The following MBD6 variants were observed in gnomAD, a reference collection of about 807,000 sequenced individuals.
MBD6 encodes the protein methyl-CpG binding domain protein 6.
MBD6 carries 22 observed loss-of-function variants against 66.8 expected under a neutral mutation model. The observed-to-expected ratio is 0.33, with a 90% CI of 0.24 to 0.47. MBD6 has a LOEUF of 0.47. MBD6 is among the 20% of genes least tolerant of loss of function. MBD6 has a pLI of 1.00. For synonymous variants in MBD6, 540 were observed against 534.6 expected (o/e 1.01, Z -0.14); for missense variants, 1,322 against 1,286.9 (o/e 1.03, Z -0.42).
chr12:57,529,423 C>A lies in MBD6; in HGVS notation c.*189C>A. On this transcript the variant is annotated 3_prime_UTR_variant, in exon 13 of 13. Transcript: ENST00000355673. ...TGCAGGGGGCAGGGAAGTTCACCCC[C>A]CCCCACCACCCCCCCGCCCCCCCGA... 1 of 536,528 alleles carries A rather than the reference C, an allele frequency of 1.9e-6. No homozygotes were observed. Among genetic ancestry groups the A allele is most frequent in the Non-Finnish European group, 3.3e-6 (1 of 304,254 alleles). 33.2% of individuals were successfully genotyped at this position (536,528 alleles called of 1,614,324 possible).
Position 57,526,372 on chromosome 12 carries a change from C to A in MBD6, c.1404C>A (p.Ser468Arg). The A allele has an allele frequency of 6.3e-7, 1 of 1,595,006 alleles. No individual in the cohort carries two copies. Among genetic ancestry groups the A allele is most frequent in the South Asian group, 1.1e-5 (1 of 87,900 alleles). Reference sequence around the variant, plus strand: ...CCCTGCCTGGGACCACCAGTGGCAGCCTCAGCAGTGTGCCAGGTATGTGAG... The same window carrying A: ...CCCTGCCTGGGACCACCAGTGGCAGACTCAGCAGTGTGCCAGGTATGTGAG... ...QPSLPGTTSGSLSSVPGAPAP... is the reference protein window; with the variant it reads ...QPSLPGTTSGRLSSVPGAPAP... Residue 468 changes from serine to arginine, a missense_variant, in exon 6 of 13, where the codon AGC (serine) becomes AGA (arginine). By Grantham distance (110) the Ser-to-Arg change is moderately radical. Coordinates refer to ENST00000355673, the MANE Select transcript of MBD6 (RefSeq NM_052897.4).
At position 57,526,864 on chromosome 12, in the gene MBD6, T is replaced by G. The variant is rs747564903; in HGVS notation, c.1719T>G (p.Pro573=). 1 of 1,610,082 alleles carries G rather than the reference T, an allele frequency of 6.2e-7. No homozygotes were observed. Among genetic ancestry groups the G allele is most frequent in the South Asian group, 1.1e-5 (1 of 90,902 alleles). Residue 573 remains proline, a synonymous_variant, in exon 7 of 13, where the codon CCT becomes CCG. Coordinates refer to ENST00000355673, the MANE Select transcript of MBD6 (RefSeq NM_052897.4). ...CTGGGGGAGGAGGACAACCTCCCCC[T>G]GAGCCCCTGCTACCCCCACCAGGAG... is the stretch of plus-strand genomic sequence containing the variant. The part of the protein sequence containing the change: ...VLTGGGGQPP[P]EPLLPPPGGP...
chr12:57,527,312 C>T, intron 7 of MBD6, 85 bp downstream of exon 7: 1 of 1,131,276 alleles, frequency 8.8e-7, no homozygotes, highest in Non-Finnish European at 1.2e-6. Context: ...CAGTTTCATT[C>T]CTGAGCTCTT....
In MBD6 at chr12:57,525,622, T is replaced by G. The variant is rs774428798; in HGVS notation, c.654T>G (p.Pro218=). The G allele has an allele frequency of 6.2e-7, 1 of 1,613,272 alleles. No individual in the cohort carries two copies. The highest frequency in any genetic ancestry group is 8.5e-7 in the Non-Finnish European group (1 of 1,179,704). The part of the protein sequence containing the change: ...NAPSPAPPPP[P]AISLNAPSYN... ...CCTCTCCAGCCCCACCTCCTCCACC[T>G]GCTATCAGCCTCAATGCTCCCTCAT... The change falls in exon 6 of 13, where the codon CCT becomes CCG. Residue 218 remains proline (P), a synonymous_variant. Transcript: ENST00000355673.
Position 57,528,697 on chromosome 12 carries a change from G to C in MBD6, c.2852G>C (p.Arg951Pro). Residue 951 changes from arginine to proline, a missense_variant, in exon 11 of 13, where the codon CGT (arginine) becomes CCT (proline). Transcript: ENST00000355673. The stretch of plus-strand genomic sequence containing the variant: ...CCGGGAGTAGTCAGAAAGTCTCGTC[G>C]TGGCCGTAGGAGAAAATACAAGTGA... ...VPPGVVRKSR[R>P]GRRRKYNPTR... The C allele has an allele frequency of 6.2e-7, 1 of 1,614,160 alleles. No homozygotes were observed. Among genetic ancestry groups the C allele is most frequent in the Non-Finnish European group, 8.5e-7 (1 of 1,180,016 alleles).
rs368370024 is a variant in MBD6 at position 57,526,058 on chromosome 12, C to T, written c.1090C>T (p.Arg364Cys). The T allele has an allele frequency of 6.2e-6, 10 of 1,613,904 alleles. No homozygotes were observed. The East Asian group carries it at 6.7e-5, about 11-fold the overall frequency. ...SHSSSLRPSQ[R>C]RPRRPPTVFR... is the part of the protein sequence containing the mutation. The stretch of plus-strand genomic sequence containing the variant: ...CTCCTCATCACTTCGTCCCTCTCAG[C>T]GTCGTCCCCGCAGACCCCCTACTGT... Residue 364 changes from arginine to cysteine, a missense_variant, in exon 6 of 13, where the codon CGT becomes TGT. Physicochemically the swap from Arg to Cys is radical, Grantham distance 180 (BLOSUM62 -3). Coordinates refer to ENST00000355673, the MANE Select transcript of MBD6 (RefSeq NM_052897.4).
rs768447252 is a variant in MBD6, at chr12:57,528,286, T to C, written c.2546T>C (p.Leu849Pro). 6.2e-7 allele frequency: 1 copy of C among 1,604,934 alleles called. No homozygotes were observed. The highest frequency in any genetic ancestry group is 1.7e-5 in the Admixed American group (1 of 59,206). ...GSPDPPVPEL[L>P]TGRGSGKRGR... The stretch of plus-strand genomic sequence containing the variant: ...CCCGACCCCCCAGTCCCTGAGCTGC[T>C]CACTGGGAGGGGGTCAGGGAAACGG... The change falls in exon 10 of 13, where the codon CTC becomes CCC. Residue 849 changes from leucine to proline, a missense_variant. By Grantham distance (98) the Leu-to-Pro change is moderately conservative. Transcript: ENST00000355673.
At chr12:57,527,477 G>A (rs1459888676) in intron 7 of MBD6, 30 bp from the exon 8 acceptor site, 10 of 1,611,964 alleles carry the variant, frequency 6.2e-6, no homozygotes, top group African/African-American at 1.3e-5. Flanking sequence ...TTTTACACGC[G>A]TAAGTGTTAG....
chr12:57,527,131 A>T lies in MBD6; in HGVS notation c.1986A>T (p.Leu662=), dbSNP rs1879042807. Residue 662 remains leucine, a synonymous_variant, in exon 7 of 13, where the codon CTA becomes CTT. Coordinates refer to ENST00000355673, the MANE Select transcript of MBD6 (RefSeq NM_052897.4). The part of the protein sequence containing the change: ...PFSGLGDLSP[L]LFPPLSAPPT... ...CAGGCTTGGGAGACCTGTCCCCCCT[A>T]CTTTTCCCCCCACTTTCAGCCCCCC... The T allele has an allele frequency of 8.5e-6, 13 of 1,524,528 alleles. No homozygotes were observed. The highest frequency in any genetic ancestry group is 1.1e-5 in the Non-Finnish European group (12 of 1,120,162). The allele number at this position is 1,524,528 out of a possible 1,614,324, so 94.4% of individuals were successfully genotyped here.
rs112146992 is a variant in MBD6 at position 57,528,972 on chromosome 12, G to T, written c.2900G>T (p.Arg967Leu). The T allele has an allele frequency of 1.9e-6, 3 of 1,614,108 alleles. No individual in the cohort carries two copies. The highest frequency in any genetic ancestry group is 1.1e-5 in the South Asian group (1 of 91,064). Reference protein sequence around the residue: ...YNPTRNSNSSRQDITLEPSPT... With the variant: ...YNPTRNSNSSLQDITLEPSPT... ...CCTACCCGGAACAGCAATAGCTCCCGCCAGGACATTACCTTGGAACCCAGC... is the reference window on the plus strand; with the variant it reads ...CCTACCCGGAACAGCAATAGCTCCCTCCAGGACATTACCTTGGAACCCAGC... The change falls in exon 12 of 13, where the codon CGC (arginine) becomes CTC (leucine). Residue 967 changes from arginine (R) to leucine (L), a missense_variant. Physicochemically the swap from Arg to Leu is moderately radical, Grantham distance 102. Transcript: ENST00000355673.
chr12:57,522,559 G>A (rs1878431388), upstream of MBD6, among the ~76,000 whole-genome samples: 1 of 151,918 alleles, frequency 6.6e-6, no homozygotes, highest in African/African-American at 2.4e-5. Flanking sequence ...TTCCGCGGAG[G>A]GCGGGGGGGC....
At position 57,527,018 on chromosome 12, in the gene MBD6, T is replaced by C; in HGVS notation, c.1873T>C (p.Phe625Leu). The change falls in exon 7 of 13, where the codon TTC becomes CTC. Residue 625 changes from phenylalanine to leucine, a missense_variant. Transcript: ENST00000355673. ...SAPPSNLLAS[F>L]LPLLALGPTA... ...ACCTCCCAGCAACCTCCTTGCCTCTTTCCTGCCCCTGTTGGCTCTGGGCCC... is the reference window on the plus strand; with the variant it reads ...ACCTCCCAGCAACCTCCTTGCCTCTCTCCTGCCCCTGTTGGCTCTGGGCCC... 6.2e-7 allele frequency: 1 copy of C among 1,613,306 alleles called. No individual in the cohort carries two copies. The highest frequency in any genetic ancestry group is 8.5e-7 in the Non-Finnish European group (1 of 1,179,602).
Position 57,528,505 on chromosome 12 carries a change from G to T in MBD6, c.2765G>T (p.Gly922Val). Residue 922 changes from glycine to valine, a missense_variant, in exon 10 of 13, where the codon GGG becomes GTG. Coordinates refer to ENST00000355673, the MANE Select transcript of MBD6 (RefSeq NM_052897.4). ...CAGCATAATGGGGAGCTGGCTGAAG[G>T]GGGTGCTGAGCCCAAGGATCCACCC... Reference protein sequence around the residue: ...HWQHNGELAEGGAEPKDPPPP... With the variant: ...HWQHNGELAEVGAEPKDPPPP... The T allele has an allele frequency of 6.2e-7, 1 of 1,613,962 alleles. No individual in the cohort carries two copies. Among genetic ancestry groups the T allele is most frequent in the South Asian group, 1.1e-5 (1 of 91,076 alleles).
At chr12:57,531,035 A>G (rs1334083348), downstream of MBD6, among the ~76,000 whole-genome samples, 3 of 152,346 alleles carry the variant, frequency 2.0e-5, no homozygotes, top group East Asian at 5.8e-4. Context: ...GTTTTATGTA[A>G]TGAGAGCTAA....
At chr12:57,525,268 T>A in intron 5 of MBD6, 80 bp from the exon 6 acceptor site, 1 of 1,485,114 alleles carries the variant, frequency 6.7e-7, no homozygotes, top group Admixed American at 2.3e-5. Flanking sequence ...TGGGAACTTG[T>A]GGGAGATGGG....
chr12:57,526,508 T>G (rs1878968458), intron 6 of MBD6, 58 bp from the exon 7 acceptor site: 1 of 1,511,378 alleles, frequency 6.6e-7, no homozygotes, highest in African/African-American at 1.4e-5. Context: ...GAGGTTGGCT[T>G]CTTTGGATGA....
chr12:57,522,606 G>C (rs1027110044), upstream of MBD6: 3 of 152,086 alleles, frequency 2.0e-5, no homozygotes, highest in African/African-American at 7.3e-5. Context: ...ATTAATGGGG[G>C]GTTGTGGGGG....
chr12:57,529,477 G>C lies in MBD6; in HGVS notation c.*243G>C. Reference sequence around the variant, plus strand: ...CATGTCACTGAAAAGGCCTGGGGGGGATGGTATATGGCCCTTTCCCCACCA... The same window carrying C: ...CATGTCACTGAAAAGGCCTGGGGGGCATGGTATATGGCCCTTTCCCCACCA... On this transcript the variant is annotated 3_prime_UTR_variant, in exon 13 of 13. Coordinates refer to ENST00000355673, the MANE Select transcript of MBD6 (RefSeq NM_052897.4). 1.9e-6 allele frequency: 1 copy of C among 536,648 alleles called. No individual in the cohort carries two copies. The highest frequency in any genetic ancestry group is 2.3e-5 in the South Asian group (1 of 43,252). 33.2% of individuals were successfully genotyped at this position (536,648 alleles called of 1,614,324 possible). A position where few individuals can be genotyped will look rare whatever the true frequency, so the allele number is the denominator to read the frequency against.
downstream of MBD6, chr12:57,530,703 T>G (rs55640208): frequency 1.4e-3 from 2,191 of 1,613,836 alleles, 20 homozygotes; most frequent in South Asian, 0.013. Context: ...TTTCCCAGCT[T>G]CTTCATCCGT....
Sources: allele counts gnomAD v4.1 joint callset (sites outside exome capture counted in the v4.1 genomes callset), GRCh38; gene constraint gnomAD v4.1.1; transcripts MANE v1.5; gene names NCBI Gene and HGNC (gene_info 2026-07-23, HGNC 2026-07-21).